Variants in HMCN1 observed in about 807,000 individuals in gnomAD.
HMCN1 encodes hemicentin-1.
Under a neutral mutation model 625.9 loss-of-function variants are expected in HMCN1, and 321 were observed. That is an observed-to-expected ratio of 0.51 (90% confidence interval 0.47 to 0.56). The LOEUF is 0.56. Ranked by LOEUF, HMCN1 falls within the 20% of genes least tolerant of loss-of-function variation. The probability of loss-of-function intolerance (pLI) is 0.00; values close to 1 mark genes in which losing one functional copy is unlikely to be tolerated. For synonymous variants in HMCN1, 2,425 were observed against 2,417.6 expected, an observed-to-expected ratio of 1.00 and a Z score of -0.09; for missense variants, 6,588 against 6,887.3, an observed-to-expected ratio of 0.96 and a Z score of 1.54.
At chr1:185,926,051 A>G (rs1021535267) in intron 9 of HMCN1, among the ~76,000 whole-genome samples, 2 of 152,200 alleles carry the variant, frequency 1.3e-5, no homozygotes, top group Non-Finnish European at 2.9e-5. Context: ...ACTTTTTTAG[A>G]CAAATACTAG....
chr1:186,183,224 T>C (rs1330020428), intron 105 of HMCN1, among the ~76,000 whole-genome samples: 5 of 152,202 alleles, frequency 3.3e-5, no homozygotes, highest in Non-Finnish European at 5.9e-5. Flanking sequence ...AAATTTAGAT[T>C]GAATTTTTTT....
At position 186,038,999 on chromosome 1, in the gene HMCN1, G is replaced by T. The variant is rs374625224; in HGVS notation, c.6022G>T (p.Val2008Phe). The T allele has an allele frequency of 1.7e-5, 27 of 1,608,232 alleles. No homozygotes were observed. Among genetic ancestry groups the T allele is most frequent in the Non-Finnish European group, 2.2e-5 (26 of 1,174,872 alleles). Residue 2008 changes from valine (V) to phenylalanine (F), a missense_variant, in exon 38 of 107, where the codon GTT becomes TTT. By Grantham distance (50) the Val-to-Phe change is conservative (BLOSUM62 -1). Around this residue, in one of 3 missense-constraint regions of HMCN1, gnomAD observed 4,628 missense variants for 4,853.1 expected, o/e 0.95. Transcript: ENST00000271588. ...GATELFYSLQ[V>F]HVAPSISGSN... is the part of the protein sequence containing the mutation. ...TACAGAGTTATTTTACAGTCTGCAA[G>T]TTCATGGTTAGTGCCACTTCACCTA...
intron 32 of HMCN1, among the ~76,000 whole-genome samples, chr1:186,016,538 T>A (rs908512296): frequency 2.0e-5 from 3 of 152,078 alleles, no homozygotes; most frequent in Non-Finnish European, 2.9e-5. Flanking sequence ...TCTTTTGTCA[T>A]AAGCATTGTG....
At chr1:186,058,666 T>C (rs900748845) in intron 46 of HMCN1, among the ~76,000 whole-genome samples, 1 of 151,958 alleles carries the variant, frequency 6.6e-6, no homozygotes, top group African/African-American at 2.4e-5. Context: ...AGGGATAGAT[T>C]TGTGTCTGAA....
At chr1:186,062,011 A>G in intron 47 of HMCN1, 47 bp downstream of exon 47, 1 of 1,180,898 alleles carries the variant, frequency 8.5e-7, no homozygotes, top group Non-Finnish European at 1.3e-6. Context: ...AATTGCCTTA[A>G]ATCCTGGAAG....
At chr1:186,161,763 G>A (rs1651498406) in intron 97 of HMCN1, among the ~76,000 whole-genome samples, 1 of 152,134 alleles carries the variant, frequency 6.6e-6, no homozygotes. Flanking sequence ...CTCTCTTCTG[G>A]CTTGTAGAGT....
intron 25 of HMCN1, 42 bp downstream of exon 25, chr1:185,997,566 A>G (rs531546571): frequency 2.9e-6 from 4 of 1,356,028 alleles, no homozygotes; most frequent in African/African-American, 1.4e-5. Context: ...ATAATGTTAT[A>G]TGGTTTCAGA....
chr1:186,157,188 C>T (rs1355177632), intron 97 of HMCN1, among the ~76,000 whole-genome samples: 2 of 152,122 alleles, frequency 1.3e-5, no homozygotes, highest in African/African-American at 4.8e-5. Context: ...GAAGGAAAAA[C>T]ATCAAAATCT....
At chr1:185,876,623 A>G (rs540576252) in intron 4 of HMCN1, among the ~76,000 whole-genome samples, 10 of 152,060 alleles carry the variant, frequency 6.6e-5, no homozygotes, top group African/African-American at 2.4e-4. Context: ...CAGAAATGGG[A>G]TCTCATTTTG....
At position 186,115,277 on chromosome 1, in the gene HMCN1, G is replaced by A. The variant is rs753248301; in HGVS notation, c.11424G>A (p.Pro3808=). The change falls in exon 75 of 107, where the codon CCG becomes CCA. Residue 3808 remains proline (P), a synonymous_variant. Coordinates refer to ENST00000271588, the MANE Select transcript of HMCN1 (RefSeq NM_031935.3). ...TCTTAGTTCCTCCATCTATTGCTCC[G>A]GGTCCTACCAACATGACTGTAATAG... The part of the protein sequence containing the change: ...LQVHVPPSIA[P]GPTNMTVIVN... The A allele has an allele frequency of 1.5e-5, 24 of 1,613,924 alleles. No individual in the cohort carries two copies. Among genetic ancestry groups the A allele is most frequent in the East Asian group, 6.7e-5 (3 of 44,854 alleles).
intron 11 of HMCN1, among the ~76,000 whole-genome samples, chr1:185,949,697 G>A (rs889930427): frequency 6.6e-6 from 1 of 151,862 alleles, no homozygotes; most frequent in African/African-American, 2.4e-5. Context: ...AATGACTGTG[G>A]TGGCCTTCTC....
chr1:186,080,687 A>ATGATGC (rs1263058314), intron 55 of HMCN1, among the ~76,000 whole-genome samples: 56 of 152,328 alleles, frequency 3.7e-4, no homozygotes, highest in African/African-American at 1.3e-3. Flanking sequence ...AAGCTCGCAG[A>ATGATGC]TGATGCTGAT....
In HMCN1 at chr1:186,190,447, A is replaced by G. The variant is rs1039349612; in HGVS notation, c.*569A>G. 9 of 199,106 alleles carry G rather than the reference A, an allele frequency of 4.5e-5. No homozygotes were observed. The highest frequency in any genetic ancestry group is 3.0e-4 in the Admixed American group (5 of 16,774). The allele number at this position is 199,106 out of a possible 1,614,324, so 12.3% of individuals were successfully genotyped here. ...GTACAGCTACTATAAGGCTTGTTTG[A>G]TCCCAAATGGTGCTTATCTTGATTG... On this transcript the variant is annotated 3_prime_UTR_variant, in exon 107 of 107. Coordinates refer to ENST00000271588, the MANE Select transcript of HMCN1 (RefSeq NM_031935.3).
chr1:186,157,339 A>C (rs533807669), intron 97 of HMCN1, among the ~76,000 whole-genome samples: 1 of 152,342 alleles, frequency 6.6e-6, no homozygotes, highest in Non-Finnish European at 1.5e-5. Context: ...ATTCAAAGTA[A>C]CACACTTTAT....
intron 93 of HMCN1, among the ~76,000 whole-genome samples, chr1:186,146,519 A>G (rs1650327637): frequency 6.6e-6 from 1 of 152,216 alleles, no homozygotes; most frequent in Non-Finnish European, 1.5e-5. Flanking sequence ...AAGACCAACA[A>G]TAACGGTTTT....
rs76106375 is a variant in HMCN1, at chr1:185,740,927, G to A, written c.268+5880G>A. 8.9e-3 allele frequency among the ~76,000 whole-genome samples: 1,352 copies of A among 152,272 alleles called. 20 individuals carry two copies. Among genetic ancestry groups the A allele is most frequent in the African/African-American group, 0.029 (1,217 of 41,560 alleles). On this transcript the variant is annotated intron_variant, in intron 1 of 106. Coordinates refer to ENST00000271588, the MANE Select transcript of HMCN1 (RefSeq NM_031935.3). ...TAGAATCGCTCGAACCCTGGAGGTG[G>A]AGGTTACAGTGAGCTGAGATTGGAC...
intron 1 of HMCN1, among the ~76,000 whole-genome samples, chr1:185,803,709 C>G (rs1447479549): frequency 6.6e-6 from 1 of 152,082 alleles, no homozygotes; most frequent in African/African-American, 2.4e-5. Flanking sequence ...TCAGATACTA[C>G]TTTTCATGCT....
chr1:185,845,893 G>A (rs1317932548), intron 1 of HMCN1, 133 bp from the exon 2 acceptor site: 1 of 671,570 alleles, frequency 1.5e-6, no homozygotes, highest in Non-Finnish European at 2.7e-6. Flanking sequence ...TTGAGAAAGA[G>A]TGTTTGGTAT....
At chr1:185,788,355 G>C (rs1657765954) in intron 1 of HMCN1, among the ~76,000 whole-genome samples, 1 of 152,162 alleles carries the variant, frequency 6.6e-6, no homozygotes, top group South Asian at 2.1e-4. Context: ...AAAACTGAGA[G>C]ATAGTAAAAA....
Sources: gnomAD v4.1 joint callset for allele counts (sites outside exome capture counted in the v4.1 genomes callset) on GRCh38, gnomAD v4.1.1 for gene constraint, gnomAD v4.1.1 regional missense constraint, MANE v1.5 for transcripts, NCBI Gene and HGNC (gene_info 2026-07-23, HGNC 2026-07-21) for gene names.